The following BAZ2B variants were observed in gnomAD, a reference collection of about 807,000 sequenced individuals.
BAZ2B encodes bromodomain adjacent to zinc finger domain protein 2B.
BAZ2B carries 91 observed loss-of-function variants against 246.0 expected under a neutral mutation model. That is an observed-to-expected ratio of 0.37 (90% CI 0.31 to 0.44). BAZ2B has a LOEUF of 0.44. BAZ2B is among the 20% of genes least tolerant of loss of function. The pLI, the probability that BAZ2B is intolerant of heterozygous loss-of-function variation, is 1.00. For synonymous variants in BAZ2B, 855 were observed against 860.0 expected, an observed-to-expected ratio of 0.99 and a Z score of 0.10; for missense variants, 2,332 against 2,533.7, an observed-to-expected ratio of 0.92 and a Z score of 1.71.
chr2:159,666,507 G>A, the BAZ2B span, among the ~76,000 whole-genome samples: 1 of 151,928 alleles, frequency 6.6e-6, no homozygotes, highest in Non-Finnish European at 1.5e-5. Flanking sequence ...GTGATCCAGC[G>A]ACCTCAGCCT....
At chr2:159,362,789 G>A (rs937433237) in intron 27 of BAZ2B, among the ~76,000 whole-genome samples, 7 of 152,186 alleles carry the variant, frequency 4.6e-5, no homozygotes, top group Non-Finnish European at 5.9e-5. Context: ...TTGAAATTAA[G>A]TTCTATCTCT....
chr2:159,390,331 T>A (rs1373996357), intron 20 of BAZ2B, among the ~76,000 whole-genome samples: 1 of 152,068 alleles, frequency 6.6e-6, no homozygotes, highest in Non-Finnish European at 1.5e-5. Context: ...ACCTCTCATA[T>A]TTTTTTCTGT....
In BAZ2B at chr2:159,397,365, CTTG is replaced by C; in HGVS notation, c.2986_2988del (p.Gln996del). ...CAGACCTGATGTTTCAGAAGAACAG[CTTG>C]TTGTCTTCTCATTTCTTTTTCCTTA... is the stretch of plus-strand genomic sequence containing the variant. On this transcript the variant is annotated inframe_deletion, in exon 19 of 37. Transcript: ENST00000392783. 6.4e-7 allele frequency: 1 copy of C among 1,551,346 alleles called. No individual in the cohort carries two copies. The highest frequency in any genetic ancestry group is 8.8e-7 in the Non-Finnish European group (1 of 1,137,532).
chr2:159,648,063 T>C, the BAZ2B span, among the ~76,000 whole-genome samples: 2 of 152,164 alleles, frequency 1.3e-5, no homozygotes, highest in African/African-American at 4.8e-5. Flanking sequence ...AACCTTAACA[T>C]AGTAAAGATT....
At chr2:159,377,812 C>CAAAAAAAAAAAAAAAAA (rs35570732) in intron 25 of BAZ2B, among the ~76,000 whole-genome samples, 209 of 94,138 alleles carry the variant, frequency 2.2e-3, no homozygotes, top group Non-Finnish European at 3.4e-3. Context: ...ACTCTGTCTC[C>CAAAAAAAAAAAAAAAAA]AAAAAAAAAA....
At chr2:159,557,407 C>T (rs2089312065) in intron 1 of BAZ2B, among the ~76,000 whole-genome samples, 2 of 152,024 alleles carry the variant, frequency 1.3e-5, no homozygotes, top group African/African-American at 4.8e-5. Flanking sequence ...ATTATCATGA[C>T]CTCTTAGGCC....
chr2:159,489,039 C>A (rs1577682418), intron 2 of BAZ2B, among the ~76,000 whole-genome samples: 2 of 152,170 alleles, frequency 1.3e-5, no homozygotes, highest in Non-Finnish European at 2.9e-5. Flanking sequence ...AAGCAAGATT[C>A]TAGATTAACT....
intron 2 of BAZ2B, among the ~76,000 whole-genome samples, chr2:159,509,083 A>C (rs947952109): frequency 6.6e-6 from 1 of 152,184 alleles, no homozygotes; most frequent in Non-Finnish European, 1.5e-5. Flanking sequence ...TTATACTTGT[A>C]AGAGTGATCT....
chr2:159,428,073 G>A, intron 12 of BAZ2B, 31 bp from the exon 13 acceptor site: 1 of 1,590,906 alleles, frequency 6.3e-7, no homozygotes, highest in Non-Finnish European at 8.6e-7. Flanking sequence ...TCCACTTCAG[G>A]TTTTAATAAT....
chr2:159,347,992 T>C (rs1350346691), intron 30 of BAZ2B, among the ~76,000 whole-genome samples: 1 of 152,122 alleles, frequency 6.6e-6, no homozygotes, highest in Non-Finnish European at 1.5e-5. Flanking sequence ...CCCCCATGAA[T>C]ACCAAAACCT....
intron 1 of BAZ2B, among the ~76,000 whole-genome samples, chr2:159,556,352 A>G (rs538542946): frequency 6.7e-6 from 1 of 149,254 alleles, no homozygotes; most frequent in East Asian, 1.9e-4. Flanking sequence ...AATAGCGACA[A>G]AATTATCAAA....
At chr2:159,488,527 A>C (rs1393101566) in intron 2 of BAZ2B, among the ~76,000 whole-genome samples, 1 of 152,212 alleles carries the variant, frequency 6.6e-6, no homozygotes, top group African/African-American at 2.4e-5. Flanking sequence ...TTTGAAAATA[A>C]AAAAGAACAA....
intron 16 of BAZ2B, among the ~76,000 whole-genome samples, chr2:159,403,681 C>A (rs2149786064): frequency 6.6e-6 from 1 of 152,256 alleles, no homozygotes; most frequent in Non-Finnish European, 1.5e-5. Context: ...AAGTTGACAA[C>A]TGCTACTTTA....
At position 159,348,720 on chromosome 2, in the gene BAZ2B, G is replaced by T; in HGVS notation, c.5251C>A (p.His1751Asn). 1.2e-6 allele frequency: 2 copies of T among 1,612,364 alleles called. No homozygotes were observed. ...EKALQKQIQKHLDYITQACLK... is the reference protein window; with the variant it reads ...EKALQKQIQKNLDYITQACLK... ...CAGGCTTGAGTAATATAATCCAAAT[G>T]TTTCTGAATTTGTTTTTGTAATGCC... The change falls in exon 30 of 37, where the codon CAT becomes AAT. Residue 1751 changes from histidine (H) to asparagine (N), a missense_variant. Transcript: ENST00000392783.
intron 1 of BAZ2B, among the ~76,000 whole-genome samples, chr2:159,576,631 T>C (rs58614783): frequency 0.24 from 36,615 of 151,758 alleles, 5,642 homozygotes; most frequent in Admixed American, 0.39. Flanking sequence ...ATAAAAGTTT[T>C]GGCCAGGCAC....
chr2:159,439,521 C>A (rs1048493537), intron 6 of BAZ2B, among the ~76,000 whole-genome samples: 4 of 152,158 alleles, frequency 2.6e-5, no homozygotes, highest in African/African-American at 9.7e-5. Flanking sequence ...GATCAGTTCA[C>A]AAAATAATTC....
chr2:159,361,608 T>C (rs937606868), intron 27 of BAZ2B, among the ~76,000 whole-genome samples: 9 of 152,238 alleles, frequency 5.9e-5, no homozygotes, highest in Non-Finnish European at 1.2e-4. Flanking sequence ...TTACTGGGTA[T>C]ATATCCAAAG....
chr2:159,337,744 T>C lies in BAZ2B; in HGVS notation c.5483A>G (p.Glu1828Gly). ...TTCAAAATATACCAAGTCCTCCCTT[T>C]CTGATGCAGGCTCTGGACACATCCA... is the stretch of plus-strand genomic sequence containing the variant. Reference protein sequence around the residue: ...KGWMCPEPASEREDLVYFEHK... With the variant: ...KGWMCPEPASGREDLVYFEHK... Residue 1828 changes from glutamate (E) to glycine (G), a missense_variant, in exon 32 of 37, where the codon GAA becomes GGA. Physicochemically the swap from Glu to Gly is moderately conservative, Grantham distance 98 (BLOSUM62 -2). Around this residue, in one of 9 missense-constraint regions of BAZ2B, gnomAD observed 676 missense variants for 668.6 expected, o/e 1.01. Transcript: ENST00000392783. The C allele has an allele frequency of 1.2e-6, 2 of 1,614,132 alleles. No homozygotes were observed. The highest frequency in any genetic ancestry group is 1.7e-6 in the Non-Finnish European group (2 of 1,179,986).
chr2:159,601,192 T>A (rs1439092732), intron 1 of BAZ2B, among the ~76,000 whole-genome samples: 1 of 152,156 alleles, frequency 6.6e-6, no homozygotes, highest in Non-Finnish European at 1.5e-5. Context: ...TTTAAAATGA[T>A]CAACATCTAT....
Sources: gnomAD v4.1 joint callset for allele counts (sites outside exome capture counted in the v4.1 genomes callset) on GRCh38, gnomAD v4.1.1 for gene constraint, gnomAD v4.1.1 regional missense constraint, MANE v1.5 for transcripts, NCBI Gene and HGNC (gene_info 2026-07-23, HGNC 2026-07-21) for gene names.